SPTBN5: variants seen among roughly 807,000 people sequenced by gnomAD.
The protein encoded by SPTBN5 is spectrin beta, non-erythrocytic 5, also known as spectrin beta chain, non-erythrocytic 5.
Under a neutral mutation model 477.6 loss-of-function variants are expected in SPTBN5, and 513 were observed. The ratio of observed to expected loss-of-function variants is 1.07; its 90% CI spans 1.00 to 1.16. The LOEUF (loss-of-function observed/expected upper bound fraction) is 1.16. SPTBN5 is among the 50% of genes most tolerant of loss of function. The pLI, the probability that SPTBN5 is intolerant of heterozygous loss-of-function variation, is 0.00. For synonymous variants in SPTBN5, 2,169 were observed against 2,011.7 expected (o/e 1.08, Z -2.09); for missense variants, 5,062 against 4,731.8 (o/e 1.07, Z -2.05).
Position 41,866,949 on chromosome 15 carries a change from GC to G in SPTBN5, c.6480+9del. 6.4e-7 allele frequency: 1 copy of G among 1,567,610 alleles called. No individual in the cohort carries two copies. The highest frequency in any genetic ancestry group is 1.2e-5 in the South Asian group (1 of 85,302). On this transcript the variant is annotated intron_variant, in intron 36 of 67. Coordinates refer to ENST00000320955, the MANE Select transcript of SPTBN5 (RefSeq NM_016642.4). ...CAGTGGAAGGCCCTGGGCTGGGGGT[GC>G]CCTCTGACCTGGGTTGCGGCCTGGG... is the stretch of plus-strand genomic sequence containing the variant.
chr15:41,863,053 A>C, intron 41 of SPTBN5, 150 bp from the exon 42 acceptor site: 2 of 702,472 alleles, frequency 2.8e-6, no homozygotes, highest in African/African-American at 1.8e-5. Context: ...TCTCTTCCTT[A>C]TGTGAGGGGG....
rs1259888685 is a variant in SPTBN5, at chr15:41,855,557, G to A, written c.9210C>T (p.Asn3070=). ...QTAALLESRK[N]PESPKVLAQL... ...GTGTGGCTTCCGCCCACCTTTCTGG[G>A]TTCTTCCTGCTCTCCAGGAGTGCTG... is the stretch of plus-strand genomic sequence containing the variant. Residue 3070 remains asparagine, a synonymous_variant, in exon 54 of 68, where the codon AAC becomes AAT. Coordinates refer to ENST00000320955, the MANE Select transcript of SPTBN5 (RefSeq NM_016642.4). The A allele has an allele frequency of 6.2e-7, 1 of 1,609,410 alleles. No individual in the cohort carries two copies. The highest frequency in any genetic ancestry group is 8.5e-7 in the Non-Finnish European group (1 of 1,177,578).
chr15:41,853,154 G>A (rs887395036), intron 59 of SPTBN5, 104 bp downstream of exon 59: 33 of 1,493,638 alleles, frequency 2.2e-5, no homozygotes, highest in Middle Eastern at 2.2e-4. Flanking sequence ...CCTGCGCCCA[G>A]CCTTCCTTTC....
chr15:41,880,757 C>T (rs987212003), intron 13 of SPTBN5, among the ~76,000 whole-genome samples: 2 of 152,200 alleles, frequency 1.3e-5, no homozygotes, highest in Non-Finnish European at 2.9e-5. Flanking sequence ...TGGCCAGCAC[C>T]CCTGGGTTTA....
rs776020737 is a variant in SPTBN5 at position 41,864,065 on chromosome 15, G to A, written c.6919-41C>T. On this transcript the variant is annotated intron_variant, in intron 39 of 67. Coordinates refer to ENST00000320955, the MANE Select transcript of SPTBN5 (RefSeq NM_016642.4). ...GGGTGAGGGCATTGGCACCCCCCATGCAGAGCCCCTTCTTCCCACCTCAGC... is the reference window on the plus strand; with the variant it reads ...GGGTGAGGGCATTGGCACCCCCCATACAGAGCCCCTTCTTCCCACCTCAGC... 3.9e-6 allele frequency: 6 copies of A among 1,524,124 alleles called. No individual in the cohort carries two copies. The Admixed American group carries it at 6.9e-5, about 18-fold the overall frequency. 94.4% of individuals were successfully genotyped at this position (1,524,124 alleles called of 1,614,324 possible). A position where few individuals can be genotyped will look rare whatever the true frequency, so the allele number is the denominator to read the frequency against.
Position 41,849,855 on chromosome 15 carries a change from C to G in SPTBN5, c.11012+14G>C. 6.4e-7 allele frequency: 1 copy of G among 1,558,958 alleles called. No homozygotes were observed. Among genetic ancestry groups the G allele is most frequent in the East Asian group, 2.4e-5 (1 of 41,658 alleles). The stretch of plus-strand genomic sequence containing the variant: ...AGGGCTCCCCGCCCTGCTTCCCCCA[C>G]CCAGGTGTCCCACCTGAGTAGACAT... On this transcript the variant is annotated intron_variant, in intron 67 of 67. Transcript: ENST00000320955.
chr15:41,865,743 C>T (rs2066278716), intron 39 of SPTBN5, 65 bp downstream of exon 39: 2 of 1,421,354 alleles, frequency 1.4e-6, no homozygotes, highest in Non-Finnish European at 1.9e-6. Context: ...CACTCTTTCC[C>T]TGCTCTCAGT....
In SPTBN5 at chr15:41,858,728, C is replaced by T. The variant is rs369490619; in HGVS notation, c.8100G>A (p.Glu2700=). The change falls in exon 49 of 68, where the codon GAG becomes GAA. Residue 2700 remains glutamate, a synonymous_variant. Transcript: ENST00000320955. ...DSQEVAAWLR[E]KNLVALEEGL... ...CCTCCTCCAAGGCCACCAGGTTCTT[C>T]TCCCTCAGCCACGCAGCCACCTGGG... 3.1e-6 allele frequency: 5 copies of T among 1,609,680 alleles called. No individual in the cohort carries two copies. In the African/African-American group the frequency reaches 6.7e-5, roughly 21 times the overall value.
Position 41,867,610 on chromosome 15 carries a change from C to T in SPTBN5, c.6240G>A (p.Ser2080=), listed in dbSNP as rs768341497. 18 of 1,613,642 alleles carry T rather than the reference C, an allele frequency of 1.1e-5. No homozygotes were observed. In the South Asian group the frequency reaches 1.2e-4, roughly 11 times the overall value. Residue 2080 remains serine (S), a synonymous_variant, in exon 35 of 68, where the codon TCG becomes TCA. Coordinates refer to ENST00000320955, the MANE Select transcript of SPTBN5 (RefSeq NM_016642.4). ...GAATCAACTGCTCTACCTCTTCCAC[C>T]GAGCTCCCCAAGGCACTGGTTTTCA... The part of the protein sequence containing the change: ...VSLKTSALGS[S]VEEVEQLIRK...
chr15:41,856,476 C>T lies in SPTBN5; in HGVS notation c.8931G>A (p.Leu2977=). Residue 2977 remains leucine, a synonymous_variant, in exon 53 of 68, where the codon CTG becomes CTA. Coordinates refer to ENST00000320955, the MANE Select transcript of SPTBN5 (RefSeq NM_016642.4). ...AHEVAARVQQ[L]EKAMAHLRAE... ...CCCGCAGGTGGGCCATGGCCTTCTC[C>T]AGCTGCTGCACCCGGGCGGCCACCT... 1.3e-6 allele frequency: 2 copies of T among 1,596,922 alleles called. No homozygotes were observed. The highest frequency in any genetic ancestry group is 1.7e-6 in the Non-Finnish European group (2 of 1,173,096).
At position 41,882,478 on chromosome 15, in the gene SPTBN5, G is replaced by T; in HGVS notation, c.2047-9C>A. 6.4e-7 allele frequency: 1 copy of T among 1,557,404 alleles called. No homozygotes were observed. The highest frequency in any genetic ancestry group is 8.6e-7 in the Non-Finnish European group (1 of 1,156,734). ...ACCTCAGCTTCCAGGGCCTAGCGGG[G>T]GGCAGAGCAGGGGGCTCAGTGAAGG... is the stretch of plus-strand genomic sequence containing the variant. On this transcript the variant is annotated splice_polypyrimidine_tract_variant and intron_variant, in intron 10 of 67. Transcript: ENST00000320955.
At chr15:41,874,100 AG>A (rs2066636408) in intron 24 of SPTBN5, 55 bp from the exon 25 acceptor site, 2 of 1,540,476 alleles carry the variant, frequency 1.3e-6, no homozygotes, top group Admixed American at 1.9e-5. Flanking sequence ...CGTCCGGAGC[AG>A]AGCCATGGAT....
In SPTBN5 at chr15:41,890,186, C is replaced by T; in HGVS notation, c.404G>A (p.Gly135Glu). The T allele has an allele frequency of 1.9e-6, 3 of 1,612,298 alleles. No individual in the cohort carries two copies. The highest frequency in any genetic ancestry group is 2.2e-5 in the South Asian group (2 of 90,574). The change falls in exon 4 of 68, where the codon GGG becomes GAG. Residue 135 changes from glycine (G) to glutamate (E), a missense_variant. Transcript: ENST00000320955. ...GTCTCCGTCCACGATGTTCTCTGGC[C>T]CGATGAGTGGTACTGGCACCTGTGG... ...LRAKVPVPLIGPENIVDGDQT... is the reference protein window; with the variant it reads ...LRAKVPVPLIEPENIVDGDQT...
Position 41,883,159 on chromosome 15 carries a change from G to A in SPTBN5, c.1729C>T (p.Leu577=). 6.2e-7 allele frequency: 1 copy of A among 1,612,928 alleles called. No individual in the cohort carries two copies. The highest frequency in any genetic ancestry group is 1.7e-5 in the Admixed American group (1 of 60,014). Residue 577 remains leucine (L), a synonymous_variant, in exon 9 of 68, where the codon CTG becomes TTG. Transcript: ENST00000320955. ...TGGGCCGAGACTTGAGCCTCCAGCAGGTCATGCCTCTGCAGCAGCTCCACC... is the reference window on the plus strand; with the variant it reads ...TGGGCCGAGACTTGAGCCTCCAGCAAGTCATGCCTCTGCAGCAGCTCCACC... ...EVVELLQRHD[L]LEAQVSAHGA...
chr15:41,856,786 G>A lies in SPTBN5; in HGVS notation c.8808+67C>T. ...AGAGTTCCTGGCTGGGCCACAGAGA[G>A]TGCCATTTCCTTGGCTGAGAAGCCC... On this transcript the variant is annotated intron_variant, in intron 52 of 67. Transcript: ENST00000320955. 3.4e-6 allele frequency: 5 copies of A among 1,463,882 alleles called. No homozygotes were observed. In the South Asian group the frequency reaches 5.1e-5, roughly 15 times the overall value. 90.7% of individuals were successfully genotyped at this position (1,463,882 alleles called of 1,614,324 possible). A position where few individuals can be genotyped will look rare whatever the true frequency, so the allele number is the denominator to read the frequency against.
In SPTBN5 at chr15:41,856,901, G is replaced by C. The variant is rs1296331069; in HGVS notation, c.8760C>G (p.Asp2920Glu). The change falls in exon 52 of 68, where the codon GAC becomes GAG. Residue 2920 changes from aspartate to glutamate, a missense_variant. By Grantham distance (45) the Asp-to-Glu change is conservative (BLOSUM62 2). Transcript: ENST00000320955. ...GCACCGCACTCAGGCTCTGGCCATA[G>C]TCCTGGGCAGCGGCCAGAGGCAGCT... ...QEKLPLAAAQ[D>E]YGQSLSAVRH... is the part of the protein sequence containing the mutation. The C allele has an allele frequency of 1.3e-6, 2 of 1,552,768 alleles. No homozygotes were observed. The highest frequency in any genetic ancestry group is 1.7e-6 in the Non-Finnish European group (2 of 1,148,256).
In SPTBN5 at chr15:41,879,308, G is replaced by T. The variant is rs541241687; in HGVS notation, c.3134C>A (p.Thr1045Asn). ...GTGGACCCTCCTCTCCAGCACCAGG[G>T]TCTTCTTCTGGGCCAGCTGCAGGGC... ...CHALQLAQKK[T>N]LVLERRVHFL... Residue 1045 changes from threonine to asparagine, a missense_variant, in exon 16 of 68, where the codon ACC (threonine) becomes AAC (asparagine). Coordinates refer to ENST00000320955, the MANE Select transcript of SPTBN5 (RefSeq NM_016642.4). 1.2e-6 allele frequency: 2 copies of T among 1,611,728 alleles called. No individual in the cohort carries two copies. The highest frequency in any genetic ancestry group is 1.7e-5 in the Admixed American group (1 of 60,028).
intron 14 of SPTBN5, 21 bp from the exon 15 acceptor site, chr15:41,879,885 G>A (rs1348187182): frequency 1.2e-6 from 2 of 1,613,442 alleles, no homozygotes; most frequent in Admixed American, 3.3e-5. Context: ...GGAGGACCCA[G>A]CCCTCTTGGG....
rs568508182 is a variant in SPTBN5 at position 41,874,829 on chromosome 15, G to A, written c.4502+13C>T. 2.5e-6 allele frequency: 4 copies of A among 1,597,422 alleles called. No individual in the cohort carries two copies. The East Asian group carries it at 6.7e-5, about 27-fold the overall frequency. On this transcript the variant is annotated intron_variant, in intron 23 of 67. Transcript: ENST00000320955. ...AGGAGTGACACACAGGTGGGTGGGA[G>A]GACAGACCCCACCTCCGGAGGTGCT...
Sources: allele counts gnomAD v4.1 joint callset (sites outside exome capture counted in the v4.1 genomes callset), GRCh38; gene constraint gnomAD v4.1.1; transcripts MANE v1.5; gene names NCBI Gene and HGNC (gene_info 2026-07-23, HGNC 2026-07-21).